RERE: variants seen among roughly 807,000 people sequenced by gnomAD.
RERE encodes arginine-glutamic acid dipeptide repeats protein.
In RERE, 40 loss-of-function variants were observed where a neutral mutation model predicts 146.1. That is an observed-to-expected ratio of 0.27 (90% CI 0.21 to 0.36). The LOEUF is 0.36. Ranked by LOEUF, RERE falls within the 10% of genes least tolerant of loss-of-function variation. RERE has a pLI of 1.00. For synonymous variants in RERE, 1,003 were observed against 866.0 expected, an observed-to-expected ratio of 1.16 and a Z score of -2.78; for missense variants, 1,933 against 2,138.7, an observed-to-expected ratio of 0.90 and a Z score of 1.90.
chr1:8,528,982 C>T (rs1645604364), intron 7 of RERE, among the ~76,000 whole-genome samples: 1 of 152,168 alleles, frequency 6.6e-6, no homozygotes, highest in African/African-American at 2.4e-5. Context: ...CACTTCGGTG[C>T]TCAAAGCATT....
rs766726276 is a variant in RERE at position 8,712,775 on chromosome 1, AT to A, written c.-144-56335del. On this transcript the variant is annotated intron_variant, in intron 1 of 22. Transcript: ENST00000400908. Reference sequence around the variant, plus strand: ...CAAGGGCTTTAGAAAAATTCAATGGATTTTTTTTTTTAATGAAAAACAAAAT... The same window carrying A: ...CAAGGGCTTTAGAAAAATTCAATGGATTTTTTTTTTAATGAAAAACAAAAT... 1.5e-3 allele frequency among the ~76,000 whole-genome samples: 215 copies of A among 147,720 alleles called. 1 individual carries two copies. Among genetic ancestry groups the A allele is most frequent in the East Asian group, 2.9e-3 (15 of 5,100 alleles).
At chr1:8,548,992 T>A (rs1051191491) in intron 6 of RERE, among the ~76,000 whole-genome samples, 4 of 151,680 alleles carry the variant, frequency 2.6e-5, no homozygotes, top group Non-Finnish European at 5.9e-5. Flanking sequence ...TCAAAAAAAA[T>A]AAAATAAAAT....
intron 2 of RERE, among the ~76,000 whole-genome samples, chr1:8,652,966 C>T (rs898999026): frequency 2.0e-5 from 3 of 152,148 alleles, no homozygotes; most frequent in South Asian, 2.1e-4. Context: ...CACAAGTAGC[C>T]GAGACTAAAA....
chr1:8,751,146 C>T, intron 1 of RERE: 1 of 330,654 alleles, frequency 3.0e-6, no homozygotes. Flanking sequence ...TCTGAGCACA[C>T]TTCCCAAAAC....
At chr1:8,594,085 A>C (rs754203043) in intron 4 of RERE, among the ~76,000 whole-genome samples, 2 of 152,244 alleles carry the variant, frequency 1.3e-5, no homozygotes, top group Non-Finnish European at 2.9e-5. Flanking sequence ...AGACCACTAC[A>C]AAAATGTCAC....
At chr1:8,502,058 G>A (rs1645173192) in intron 8 of RERE, among the ~76,000 whole-genome samples, 1 of 98,398 alleles carries the variant, frequency 1.0e-5, no homozygotes, top group Admixed American at 9.8e-5. Flanking sequence ...CCCCCGCCTG[G>A]CCAGCCGCCC....
At chr1:8,604,064 C>G (rs954759917) in intron 4 of RERE, among the ~76,000 whole-genome samples, 1 of 152,156 alleles carries the variant, frequency 6.6e-6, no homozygotes, top group Non-Finnish European at 1.5e-5. Context: ...GGCCATCCAT[C>G]AGAATCTCCT....
In RERE at chr1:8,609,871, C is replaced by T. The variant is rs193113478; in HGVS notation, c.522+4690G>A. Among the ~76,000 whole-genome samples, 722 of 152,242 alleles carry T rather than the reference C, an allele frequency of 4.7e-3. 1 individual carries two copies. Among genetic ancestry groups the T allele is most frequent in the South Asian group, 7.5e-3 (36 of 4,826 alleles). Reference sequence around the variant, plus strand: ...TAACACCGGTTTGACTGAGTTCAATCGAGCCTCCCACCTCAGCCTCCTGAG... The same window carrying T: ...TAACACCGGTTTGACTGAGTTCAATTGAGCCTCCCACCTCAGCCTCCTGAG... On this transcript the variant is annotated intron_variant, in intron 4 of 22. Transcript: ENST00000400908.
chr1:8,489,955 C>T (rs1314932249), intron 10 of RERE, among the ~76,000 whole-genome samples: 1 of 150,984 alleles, frequency 6.6e-6, no homozygotes, highest in Non-Finnish European at 1.5e-5. Flanking sequence ...GAGGCTGAGG[C>T]AGAAGAATGG....
chr1:8,549,337 C>T (rs558108891), intron 6 of RERE, among the ~76,000 whole-genome samples: 1 of 152,136 alleles, frequency 6.6e-6, no homozygotes, highest in East Asian at 1.9e-4. Flanking sequence ...AGTGCAGGGG[C>T]CAATCTGAAG....
intron 1 of RERE, among the ~76,000 whole-genome samples, chr1:8,759,850 C>CACACACACACACAT (rs1640717406): frequency 1.3e-5 from 2 of 151,262 alleles, no homozygotes; most frequent in African/African-American, 4.9e-5. Flanking sequence ...CACACACACA[C>CACACACACACACAT]ACACACACAC....
chr1:8,587,027 T>C (rs1447088607), intron 4 of RERE, among the ~76,000 whole-genome samples: 1 of 152,180 alleles, frequency 6.6e-6, no homozygotes, highest in African/African-American at 2.4e-5. Context: ...TAACTCATAA[T>C]AAATGCCACA....
intron 1 of RERE, among the ~76,000 whole-genome samples, chr1:8,667,109 G>C (rs1033742526): frequency 5.3e-5 from 8 of 152,060 alleles, no homozygotes; most frequent in Non-Finnish European, 1.2e-4. Flanking sequence ...TTGAGCTTTG[G>C]GGAAACAACT....
chr1:8,584,718 T>C (rs1335914204), intron 4 of RERE, among the ~76,000 whole-genome samples: 1 of 152,218 alleles, frequency 6.6e-6, no homozygotes, highest in African/African-American at 2.4e-5. Flanking sequence ...CATTCTATTA[T>C]CATTTAACAC....
At chr1:8,616,379 A>AAAC (rs1646853230) in intron 3 of RERE, among the ~76,000 whole-genome samples, 3 of 152,122 alleles carry the variant, frequency 2.0e-5, no homozygotes, top group African/African-American at 7.2e-5. Context: ...TTTTTTTAGT[A>AAAC]CTTCTAACAG....
At chr1:8,425,212 ATTC>A (rs1329807438) in intron 11 of RERE, 1 of 152,252 alleles carries the variant, frequency 6.6e-6, no homozygotes, top group Non-Finnish European at 1.5e-5. Flanking sequence ...CGCTTAATCC[ATTC>A]TTCAAGTATT....
chr1:8,466,369 G>A (rs1644597048), intron 10 of RERE, among the ~76,000 whole-genome samples: 1 of 152,044 alleles, frequency 6.6e-6, no homozygotes, highest in Non-Finnish European at 1.5e-5. Context: ...TTAATCCTAT[G>A]GGGAAAGTAT....
chr1:8,364,366 C>T lies in RERE; in HGVS notation c.1541-111G>A, dbSNP rs2124375679. On this transcript the variant is annotated intron_variant, in intron 14 of 22. Coordinates refer to ENST00000400908, the MANE Select transcript of RERE (RefSeq NM_001042681.2). This position sits in a 1 kb window ranked among gnomAD's most constrained non-coding sequence, Gnocchi z 5.1. ...CTACCCAAACCTGATGCCACCAGCA[C>T]CATGCAGCCCTGGGCCCCAACACCC... 1 of 932,110 alleles carries T rather than the reference C, an allele frequency of 1.1e-6. No individual in the cohort carries two copies. Among genetic ancestry groups the T allele is most frequent in the Non-Finnish European group, 1.7e-6 (1 of 589,200 alleles). 57.7% of individuals were successfully genotyped at this position (932,110 alleles called of 1,614,324 possible). A position where few individuals can be genotyped will look rare whatever the true frequency, so the allele number is the denominator to read the frequency against.
intron 1 of RERE, among the ~76,000 whole-genome samples, chr1:8,701,302 ACACACACACACACACACACACG>A (rs990273924): frequency 9.2e-5 from 8 of 86,556 alleles, no homozygotes; most frequent in African/African-American, 1.9e-4. Context: ...ACACACACAC[ACACACACACACACACACACACG>A]CACACACTCC....
Sources: gnomAD v4.1 joint callset for allele counts (sites outside exome capture counted in the v4.1 genomes callset) on GRCh38, gnomAD v4.1.1 for gene constraint, Gnocchi (gnomAD v3.1) non-coding constraint, MANE v1.5 for transcripts, NCBI Gene and HGNC (gene_info 2026-07-23, HGNC 2026-07-21) for gene names.